The following DCDC2 variants were observed in gnomAD, a reference collection of about 807,000 sequenced individuals.
DCDC2 encodes doublecortin domain-containing protein 2.
DCDC2 carries 40 observed loss-of-function variants against 50.2 expected under a neutral mutation model. The observed-to-expected ratio is 0.80, with a 90% CI of 0.62 to 1.04. The LOEUF is 1.04. Ranked by LOEUF, DCDC2 falls within the 50% of genes least tolerant of loss-of-function variation. The probability of loss-of-function intolerance (pLI) is 0.00; values close to 1 mark genes in which losing one functional copy is unlikely to be tolerated. For synonymous variants in DCDC2, 234 were observed against 210.6 expected (o/e 1.11, Z -0.96); for missense variants, 570 against 581.9 (o/e 0.98, Z 0.21).
chr6:24,211,617 G>T (rs1456962233), intron 7 of DCDC2, among the ~76,000 whole-genome samples: 2 of 152,098 alleles, frequency 1.3e-5, no homozygotes, highest in Non-Finnish European at 2.9e-5. Flanking sequence ...GCCCAGAGTG[G>T]GACTGATACA....
At chr6:24,230,731 C>G (rs976829819) in intron 7 of DCDC2, among the ~76,000 whole-genome samples, 6 of 152,242 alleles carry the variant, frequency 3.9e-5, no homozygotes, top group African/African-American at 1.2e-4. Context: ...AGAGGGAATG[C>G]CAGTGCAAAG....
At chr6:24,212,803 A>G (rs1411938301) in intron 7 of DCDC2, among the ~76,000 whole-genome samples, 1 of 152,204 alleles carries the variant, frequency 6.6e-6, no homozygotes, top group Admixed American at 6.5e-5. Flanking sequence ...TTTTTCACTT[A>G]TCCCTTATGA....
Position 24,224,606 on chromosome 6 carries a change from G to C in DCDC2, c.923-19504C>G, listed in dbSNP as rs1034041944. Among the ~76,000 whole-genome samples the C allele has an allele frequency of 9.2e-5, 14 of 152,308 alleles. 1 individual carries two copies. Among genetic ancestry groups the C allele is most frequent in the South Asian group, 8.3e-4 (4 of 4,826 alleles). ...AAAACTGGGGTGGCAGAAGCCGGAA[G>C]GTAAAAGGCTTTGTAAGCCCCCTCT... is the stretch of plus-strand genomic sequence containing the variant. On this transcript the variant is annotated intron_variant, in intron 7 of 9. Coordinates refer to ENST00000378454, the MANE Select transcript of DCDC2 (RefSeq NM_016356.5).
intron 7 of DCDC2, among the ~76,000 whole-genome samples, chr6:24,241,212 T>C (rs1426462547): frequency 2.0e-5 from 3 of 152,176 alleles, no homozygotes; most frequent in African/African-American, 7.2e-5. Flanking sequence ...GGCCTTTGTG[T>C]TTTACTCTGT....
intron 7 of DCDC2, among the ~76,000 whole-genome samples, chr6:24,263,624 G>A (rs937470261): frequency 4.6e-5 from 7 of 151,978 alleles, no homozygotes; most frequent in African/African-American, 1.7e-4. Flanking sequence ...TAGCAGAAAT[G>A]ATCAAGCAGA....
chr6:24,342,416 G>A (rs995602357), intron 2 of DCDC2, among the ~76,000 whole-genome samples: 3 of 152,150 alleles, frequency 2.0e-5, no homozygotes, highest in African/African-American at 4.8e-5. Context: ...GTGTCAATAC[G>A]GACTGCTGCC....
intron 7 of DCDC2, among the ~76,000 whole-genome samples, chr6:24,262,403 CT>C (rs1404006512): frequency 2.6e-5 from 4 of 152,218 alleles, no homozygotes; most frequent in African/African-American, 9.6e-5. Context: ...ACTTGATAAA[CT>C]TAAATAAACT....
upstream of DCDC2, among the ~76,000 whole-genome samples, chr6:24,358,822 ATATTATATT>A (rs1376100290): frequency 2.2e-4 from 13 of 59,016 alleles, no homozygotes; most frequent in Non-Finnish European, 3.3e-4. Flanking sequence ...ATAAATATAT[ATATTATATT>A]TATATATATA....
At chr6:24,243,603 T>C (rs1044791155) in intron 7 of DCDC2, among the ~76,000 whole-genome samples, 5 of 152,200 alleles carry the variant, frequency 3.3e-5, no homozygotes, top group African/African-American at 7.2e-5. Flanking sequence ...CTCTTACCTA[T>C]TGCTTCAGGA....
chr6:24,183,424 C>T (rs563038463), intron 8 of DCDC2, among the ~76,000 whole-genome samples: 31 of 152,228 alleles, frequency 2.0e-4, no homozygotes, highest in African/African-American at 6.7e-4. Context: ...GAGCCCACAC[C>T]AGGAAGTCGA....
intron 6 of DCDC2, among the ~76,000 whole-genome samples, chr6:24,282,276 C>T (rs1371188900): frequency 6.6e-6 from 1 of 151,844 alleles, no homozygotes; most frequent in Non-Finnish European, 1.5e-5. Context: ...AGACTCTCAC[C>T]CTACTGCCCA....
chr6:24,357,409 C>T, intron 1 of DCDC2, 49 bp downstream of exon 1: 1 of 1,532,410 alleles, frequency 6.5e-7, no homozygotes, highest in South Asian at 1.3e-5. Context: ...ATATCAACCC[C>T]ACACTATAGG....
chr6:24,232,002 T>TAC (rs1330622339), intron 7 of DCDC2, among the ~76,000 whole-genome samples: 1,442 of 70,328 alleles, frequency 0.021, 12 homozygotes, highest in African/African-American at 0.03. Context: ...TTCATATATA[T>TAC]ATACACACAC....
intron 6 of DCDC2, among the ~76,000 whole-genome samples, chr6:24,285,242 A>G (rs1361454126): frequency 6.6e-6 from 1 of 152,152 alleles, no homozygotes; most frequent in African/African-American, 2.4e-5. Context: ...AAACTCTGCT[A>G]TCATTTTATT....
At chr6:24,279,932 A>T (rs1346079489) in intron 6 of DCDC2, among the ~76,000 whole-genome samples, 2 of 152,238 alleles carry the variant, frequency 1.3e-5, no homozygotes, top group Non-Finnish European at 2.9e-5. Flanking sequence ...AAGTATTAGA[A>T]TGCTGTCTTC....
intron 6 of DCDC2, among the ~76,000 whole-genome samples, chr6:24,286,308 T>A (rs1182503099): frequency 1.3e-5 from 2 of 152,234 alleles, no homozygotes; most frequent in East Asian, 3.9e-4. Context: ...AATCTACAAC[T>A]CAGGCCAGGT....
intron 8 of DCDC2, among the ~76,000 whole-genome samples, chr6:24,196,303 C>T (rs777647012): frequency 6.6e-6 from 1 of 151,916 alleles, no homozygotes; most frequent in African/African-American, 2.4e-5. Context: ...AGTCCCATTT[C>T]CTCTAATTAA....
chr6:24,317,269 G>C (rs1002933420), intron 2 of DCDC2, among the ~76,000 whole-genome samples: 1 of 151,800 alleles, frequency 6.6e-6, no homozygotes, highest in Admixed American at 6.6e-5. Flanking sequence ...ATTTTAGCAG[G>C]GTGGTACTTG....
chr6:24,314,101 T>G (rs1046963826), intron 2 of DCDC2, among the ~76,000 whole-genome samples: 2 of 152,178 alleles, frequency 1.3e-5, no homozygotes, highest in Admixed American at 1.3e-4. Flanking sequence ...CTCCAAGTTC[T>G]CACATTCTCC....
Sources: gnomAD v4.1 joint callset for allele counts (sites outside exome capture counted in the v4.1 genomes callset) on GRCh38, gnomAD v4.1.1 for gene constraint, MANE v1.5 for transcripts, NCBI Gene and HGNC (gene_info 2026-07-23, HGNC 2026-07-21) for gene names.